The following KIF26B variants were observed in gnomAD, a reference collection of about 807,000 sequenced individuals.
The protein encoded by KIF26B is kinesin family member 26B.
A neutral mutation model predicts 151.2 loss-of-function variants in KIF26B; 63 were observed. The observed-to-expected ratio is 0.42, with a 90% CI of 0.34 to 0.51. The LOEUF is 0.51. Ranked by LOEUF, KIF26B falls within the 20% of genes least tolerant of loss-of-function variation. The pLI is 0.07. For synonymous variants in KIF26B, 1,357 were observed against 1,262.1 expected, an observed-to-expected ratio of 1.08 and a Z score of -1.59; for missense variants, 2,813 against 2,913.6, an observed-to-expected ratio of 0.97 and a Z score of 0.79.
At chr1:245,387,366 T>C (rs1193976394) in intron 3 of KIF26B, among the ~76,000 whole-genome samples, 1 of 109,196 alleles carries the variant, frequency 9.2e-6, no homozygotes, top group Non-Finnish European at 1.9e-5. Flanking sequence ...GGTTTTACCA[T>C]GTTGGCCAGG....
At chr1:245,168,249 G>A (rs890803905) in intron 2 of KIF26B, among the ~76,000 whole-genome samples, 2 of 152,208 alleles carry the variant, frequency 1.3e-5, no homozygotes, top group Admixed American at 1.3e-4. Flanking sequence ...ATGTTTGTGG[G>A]ACATCTCATC....
intron 2 of KIF26B, among the ~76,000 whole-genome samples, chr1:245,161,440 T>C (rs544048823): frequency 7.2e-4 from 110 of 152,358 alleles, no homozygotes; most frequent in African/African-American, 2.6e-3. Flanking sequence ...TTTAAATGGC[T>C]GAGGCTGGTA....
rs1668625389 is a variant in KIF26B at position 245,166,942 on chromosome 1, G to C, written c.465+10259G>C. ...TGCTATAGAGGTTAGCAAAGCAGAA[G>C]GCTCTGAGGGTAGAGTAAGTATTAT... On this transcript the variant is annotated intron_variant, in intron 2 of 14. Coordinates refer to ENST00000407071, the MANE Select transcript of KIF26B (RefSeq NM_018012.4). This position sits in a 1 kb window ranked among gnomAD's most constrained non-coding sequence, Gnocchi z 4.5. 1.3e-5 allele frequency among the ~76,000 whole-genome samples: 2 copies of C among 152,218 alleles called. No individual in the cohort carries two copies. Among genetic ancestry groups the C allele is most frequent in the African/African-American group, 4.8e-5 (2 of 41,450 alleles).
chr1:245,345,672 TC>T (rs1672438410), intron 2 of KIF26B, among the ~76,000 whole-genome samples: 2 of 152,068 alleles, frequency 1.3e-5, no homozygotes, highest in South Asian at 4.2e-4. Context: ...TTGCTGCTGT[TC>T]TCGTGATAGT....
intron 5 of KIF26B, among the ~76,000 whole-genome samples, chr1:245,542,746 T>C (rs1332189627): frequency 6.6e-6 from 1 of 152,208 alleles, no homozygotes; most frequent in Non-Finnish European, 1.5e-5. Flanking sequence ...TTATTTTTAA[T>C]TGTGGTAAGA....
chr1:245,434,758 T>C (rs948989530), intron 4 of KIF26B, among the ~76,000 whole-genome samples: 1 of 152,040 alleles, frequency 6.6e-6, no homozygotes, highest in Non-Finnish European at 1.5e-5. Flanking sequence ...CTGTCTCCCA[T>C]ATTTCCCTGG....
At chr1:245,482,342 C>T (rs1460140465) in intron 4 of KIF26B, among the ~76,000 whole-genome samples, 4 of 151,866 alleles carry the variant, frequency 2.6e-5, no homozygotes, top group African/African-American at 9.7e-5. Context: ...CCCGCCTCAG[C>T]CTCCCAAAGT....
rs758993117 is a variant in KIF26B, at chr1:245,184,050, G to GTTTTTTTTTTTTTTTTTTTT, written c.465+27386_465+27387insTTTTTTTTTTTTTTTTTTTT. On this transcript the variant is annotated intron_variant, in intron 2 of 14. Coordinates refer to ENST00000407071, the MANE Select transcript of KIF26B (RefSeq NM_018012.4). ...GCAACAGGTATGGGTGGGAGTTGTT[G>GTTTTTTTTTTTTTTTTTTTT]TTTTTTTTTTTTTTTTTTTGAGCTT... Among the ~76,000 whole-genome samples, 147 of 19,780 alleles carry GTTTTTTTTTTTTTTTTTTTT rather than the reference G, an allele frequency of 7.4e-3. 46 individuals carry two copies. Among genetic ancestry groups the GTTTTTTTTTTTTTTTTTTTT allele is most frequent in the Middle Eastern group, 0.033 (1 of 30 alleles). 13.0% of individuals were successfully genotyped at this position (19,780 alleles called of 152,430 possible).
chr1:245,380,198 A>G (rs773440334), intron 3 of KIF26B, among the ~76,000 whole-genome samples: 2 of 152,006 alleles, frequency 1.3e-5, no homozygotes, highest in Non-Finnish European at 1.5e-5. Flanking sequence ...TAATTTTGGG[A>G]CTCTGGAGAC....
chr1:245,663,688 T>A (rs1214213801), intron 10 of KIF26B, among the ~76,000 whole-genome samples: 3 of 152,016 alleles, frequency 2.0e-5, no homozygotes, highest in African/African-American at 7.3e-5. Flanking sequence ...CATTCTCAGC[T>A]TGAAATATTT....
chr1:245,265,587 CTTT>C (rs34317893), intron 2 of KIF26B, among the ~76,000 whole-genome samples: 8 of 140,800 alleles, frequency 5.7e-5, no homozygotes, highest in African/African-American at 7.9e-5. Context: ...TAGAGAATGA[CTTT>C]TTTTTTTTTT....
At chr1:245,308,386 G>A (rs1280221274) in intron 2 of KIF26B, among the ~76,000 whole-genome samples, 1 of 152,190 alleles carries the variant, frequency 6.6e-6, no homozygotes, top group East Asian at 1.9e-4. Context: ...AAAATGACAA[G>A]GTGCTAGGTA....
chr1:245,399,980 C>T (rs778325004), intron 3 of KIF26B, among the ~76,000 whole-genome samples: 31 of 152,100 alleles, frequency 2.0e-4, no homozygotes, highest in Admixed American at 2.0e-4. Flanking sequence ...TTAGTATAAT[C>T]CCCTACTTTC....
intron 2 of KIF26B, among the ~76,000 whole-genome samples, chr1:245,269,428 A>G (rs1670809468): frequency 6.6e-6 from 1 of 151,604 alleles, no homozygotes; most frequent in African/African-American, 2.4e-5. Flanking sequence ...TAATGGCCTC[A>G]AGGTTCATTC....
intron 9 of KIF26B, among the ~76,000 whole-genome samples, chr1:245,642,318 A>T (rs886562568): frequency 6.6e-6 from 1 of 152,110 alleles, no homozygotes; most frequent in African/African-American, 2.4e-5. Context: ...TGAGACAGGC[A>T]TGTGTTACTC....
At chr1:245,201,101 C>CCACA in intron 2 of KIF26B, among the ~76,000 whole-genome samples, 1 of 152,200 alleles carries the variant, frequency 6.6e-6, no homozygotes, top group East Asian at 1.9e-4. Context: ...TTGCTCAAGG[C>CCACA]CACACAGTTA....
chr1:245,278,353 CT>C (rs1396391135), intron 2 of KIF26B, among the ~76,000 whole-genome samples: 8 of 152,150 alleles, frequency 5.3e-5, no homozygotes, highest in Non-Finnish European at 2.9e-5. Flanking sequence ...CCAAAGTCCC[CT>C]TTTCAAGTCA....
At chr1:245,559,348 ATATT>A (rs1027437324) in intron 5 of KIF26B, among the ~76,000 whole-genome samples, 9 of 152,130 alleles carry the variant, frequency 5.9e-5, no homozygotes, top group African/African-American at 2.2e-4. Flanking sequence ...CAAAAATAGA[ATATT>A]AATTAATTAA....
intron 2 of KIF26B, among the ~76,000 whole-genome samples, chr1:245,255,189 G>A (rs1416272531): frequency 1.3e-5 from 2 of 152,198 alleles, no homozygotes; most frequent in African/African-American, 2.4e-5. Flanking sequence ...CTCACCAGAT[G>A]TTGGCTTCTT....
Sources: gnomAD v4.1 joint callset for allele counts (sites outside exome capture counted in the v4.1 genomes callset) on GRCh38, gnomAD v4.1.1 for gene constraint, Gnocchi (gnomAD v3.1) non-coding constraint, MANE v1.5 for transcripts, NCBI Gene and HGNC (gene_info 2026-07-23, HGNC 2026-07-21) for gene names.